Variants in CASR observed in about 807,000 individuals in gnomAD.
CASR encodes extracellular calcium-sensing receptor.
In CASR, 23 loss-of-function variants were observed where a neutral mutation model predicts 69.1. The observed-to-expected ratio is 0.33, with a 90% CI of 0.24 to 0.47. CASR has a LOEUF of 0.47. Ranked by LOEUF, CASR falls within the 20% of genes least tolerant of loss-of-function variation. The pLI is 1.00. For missense variants in CASR, 924 were observed against 1,356.1 expected (o/e 0.68, Z 5.00); for synonymous variants, 541 against 544.7 (o/e 0.99, Z 0.10).
chr3:122,223,362 G>C (rs1009450846), intron 1 of CASR, among the ~76,000 whole-genome samples: 1 of 152,104 alleles, frequency 6.6e-6, no homozygotes, highest in African/African-American at 2.4e-5. Context: ...AATGACAAAA[G>C]TGACATTACA....
intron 1 of CASR, among the ~76,000 whole-genome samples, chr3:122,234,333 T>G (rs534040831): frequency 2.0e-5 from 3 of 152,318 alleles, no homozygotes; most frequent in African/African-American, 7.2e-5. Flanking sequence ...ACTTTATTTA[T>G]AAAAACAAGC....
At chr3:122,279,303 G>C (rs1459234365) in intron 5 of CASR, among the ~76,000 whole-genome samples, 1 of 152,122 alleles carries the variant, frequency 6.6e-6, no homozygotes, top group Non-Finnish European at 1.5e-5. Flanking sequence ...ATTATTTTGA[G>C]ATTTTTGGCA....
At position 122,282,024 on chromosome 3, in the gene CASR, C is replaced by T. The variant is rs4678174; in HGVS notation, c.1609-89C>T. ...TCACACTGATTCTTGTGCCCAAACT[C>T]CTCCCTCTTACATGTTTTGAAGAGA... is the stretch of plus-strand genomic sequence containing the variant. On this transcript the variant is annotated intron_variant, in intron 5 of 6. Transcript: ENST00000639785. The T allele has an allele frequency of 0.66, 1,040,291 of 1,586,760 alleles. 348,569 individuals are homozygous for T. The highest frequency in any genetic ancestry group is 0.78 in the Middle Eastern group (4,653 of 5,992).
At chr3:122,244,533 C>G (rs2074408716) in intron 1 of CASR, among the ~76,000 whole-genome samples, 1 of 152,130 alleles carries the variant, frequency 6.6e-6, no homozygotes, top group African/African-American at 2.4e-5. Flanking sequence ...CATAATTCTA[C>G]TTATATAAAG....
Position 122,231,728 on chromosome 3 carries a change from CAA to C in CASR, c.-242-22218_-242-22217del, listed in dbSNP as rs2074280187. 2.0e-5 allele frequency among the ~76,000 whole-genome samples: 3 copies of C among 146,592 alleles called. No homozygotes were observed. The South Asian group carries it at 6.6e-4, about 32-fold the overall frequency. Reference sequence around the variant, plus strand: ...GCAGCCACAATTTTCATCAGCATCTCAAAGACACCCATTACCCCCCTCCCACT... The same window carrying C: ...GCAGCCACAATTTTCATCAGCATCTCAGACACCCATTACCCCCCTCCCACT... On this transcript the variant is annotated intron_variant, in intron 1 of 6. Transcript: ENST00000639785.
intron 1 of CASR, among the ~76,000 whole-genome samples, chr3:122,252,450 A>AAGAAAGAAAGAAAGAAAGAAAAG (rs1553765694): frequency 1.6e-4 from 16 of 100,616 alleles, no homozygotes; most frequent in African/African-American, 5.8e-4. Flanking sequence ...AGAAAGAAAA[A>AAGAAAGAAAGAAAGAAAGAAAAG]AAAGAAAAGA....
In CASR at chr3:122,285,171, GA is replaced by G. The variant is rs2074955500; in HGVS notation, c.3221del (p.Asn1074ThrfsTer2). On this transcript the variant is annotated frameshift_variant, in exon 7 of 7. Coordinates refer to ENST00000639785, the MANE Select transcript of CASR (RefSeq NM_000388.4). LOFTEE classifies it high-confidence loss of function. ...CAGTGGTGGAGGCAGCACTGTTACA[GA>G]AAACGTAGTGAATTCATAAAATGGA... ...VISGGGSTVT[E>X]NVVNS The G allele has an allele frequency of 6.2e-7, 1 of 1,613,996 alleles. No individual in the cohort carries two copies. Among genetic ancestry groups the G allele is most frequent in the African/African-American group, 1.3e-5 (1 of 74,926 alleles).
Position 122,290,007 on chromosome 3 carries a change from C to T in CASR, c.*4816C>T, listed in dbSNP as rs1363173351. The T allele has an allele frequency of 6.7e-6, 1 of 149,556 alleles. No individual in the cohort carries two copies. Among genetic ancestry groups the T allele is most frequent in the East Asian group, 2.0e-4 (1 of 5,100 alleles). The allele number at this position is 149,556 out of a possible 1,614,324, so 9.3% of individuals were successfully genotyped here. A position where few individuals can be genotyped will look rare whatever the true frequency, so the allele number is the denominator to read the frequency against. ...TGAGGTGGGGGGATCTGCTTGAGCC[C>T]AGGAGGTGAAGGCTGCATTGAGCTG... On this transcript the variant is annotated 3_prime_UTR_variant, in exon 7 of 7. Coordinates refer to ENST00000639785, the MANE Select transcript of CASR (RefSeq NM_000388.4).
At chr3:122,268,978 G>T (rs1385482232) in intron 4 of CASR, among the ~76,000 whole-genome samples, 1 of 152,010 alleles carries the variant, frequency 6.6e-6, no homozygotes, top group African/African-American at 2.4e-5. Context: ...GTATAAACAG[G>T]GTTATTGAGG....
At chr3:122,207,164 T>G (rs1576822432) in intron 1 of CASR, among the ~76,000 whole-genome samples, 1 of 151,986 alleles carries the variant, frequency 6.6e-6, no homozygotes, top group African/African-American at 2.4e-5. Context: ...TATTAATAGC[T>G]CTAAAGGGAG....
At chr3:122,244,456 C>T (rs989380682) in intron 1 of CASR, among the ~76,000 whole-genome samples, 1 of 146,226 alleles carries the variant, frequency 6.8e-6, no homozygotes, top group East Asian at 2.0e-4. Flanking sequence ...TGAGAAAAAA[C>T]AAACTATGGT....
At chr3:122,258,860 T>C (rs1559957420) in intron 3 of CASR, among the ~76,000 whole-genome samples, 1 of 151,970 alleles carries the variant, frequency 6.6e-6, no homozygotes, top group Non-Finnish European at 1.5e-5. Context: ...TGAGCTGAGA[T>C]GCAGCCTAGG....
intron 1 of CASR, among the ~76,000 whole-genome samples, chr3:122,238,230 G>GA (rs1290298029): frequency 2.0e-5 from 3 of 152,300 alleles, no homozygotes; most frequent in East Asian, 3.9e-4. Flanking sequence ...TGGTGCAAGA[G>GA]AAAATCTGTG....
intron 1 of CASR, among the ~76,000 whole-genome samples, chr3:122,196,340 GAA>G (rs955670719): frequency 6.6e-6 from 1 of 152,040 alleles, no homozygotes; most frequent in African/African-American, 2.4e-5. Context: ...AACTGAAAGA[GAA>G]ATGATATCAA....
chr3:122,258,539 T>A (rs2074582376), intron 3 of CASR, among the ~76,000 whole-genome samples: 1 of 152,174 alleles, frequency 6.6e-6, no homozygotes, highest in African/African-American at 2.4e-5. Context: ...TCAGTAAATG[T>A]GCTGCGTATA....
intron 5 of CASR, among the ~76,000 whole-genome samples, chr3:122,280,519 G>C (rs1026390556): frequency 1.3e-5 from 2 of 152,204 alleles, no homozygotes; most frequent in African/African-American, 4.8e-5. Context: ...CTCAAGGACT[G>C]AGAGCACATC....
chr3:122,289,428 T>C lies in CASR; in HGVS notation c.*4237T>C, dbSNP rs946391707. 6.6e-6 allele frequency: 1 copy of C among 152,252 alleles called. No homozygotes were observed. The highest frequency in any genetic ancestry group is 2.4e-5 in the African/African-American group (1 of 41,430). The allele number at this position is 152,252 out of a possible 1,614,324, so 9.4% of individuals were successfully genotyped here. ...ACAACTTTGAGTGACTTTGCTATTATGCAAGGAGTGAGGCAGGGGTCAGGG... is the reference window on the plus strand; with the variant it reads ...ACAACTTTGAGTGACTTTGCTATTACGCAAGGAGTGAGGCAGGGGTCAGGG... On this transcript the variant is annotated 3_prime_UTR_variant, in exon 7 of 7. Coordinates refer to ENST00000639785, the MANE Select transcript of CASR (RefSeq NM_000388.4).
intron 1 of CASR, among the ~76,000 whole-genome samples, chr3:122,230,884 T>C (rs9831330): frequency 0.02 from 3,080 of 152,316 alleles, 104 homozygotes; most frequent in African/African-American, 0.07. Flanking sequence ...AGGGGGTTTC[T>C]CTTTTTTTAG....
At chr3:122,204,819 T>G (rs892605197) in intron 1 of CASR, among the ~76,000 whole-genome samples, 2 of 152,216 alleles carry the variant, frequency 1.3e-5, no homozygotes, top group South Asian at 4.1e-4. Context: ...ATGTCTCTGA[T>G]GATACATGAT....
Sources: gnomAD v4.1 joint callset for allele counts (sites outside exome capture counted in the v4.1 genomes callset) on GRCh38, gnomAD v4.1.1 for gene constraint, MANE v1.5 for transcripts, NCBI Gene and HGNC (gene_info 2026-07-23, HGNC 2026-07-21) for gene names.